SMAD4: variants seen among roughly 807,000 people sequenced by gnomAD.
SMAD4 encodes SMAD family member 4.
A neutral mutation model predicts 63.2 loss-of-function variants in SMAD4; 7 were observed. That is an observed-to-expected ratio of 0.11 (90% CI 0.06 to 0.21). The LOEUF (loss-of-function observed/expected upper bound fraction) is 0.21. SMAD4 is among the 10% of genes least tolerant of loss of function. SMAD4 has a pLI of 1.00. For synonymous variants in SMAD4, 215 were observed against 235.4 expected, an observed-to-expected ratio of 0.91 and a Z score of 0.79; for missense variants, 312 against 693.8, an observed-to-expected ratio of 0.45 and a Z score of 6.18.
intron 4 of SMAD4, among the ~76,000 whole-genome samples, chr18:51,050,378 G>A (rs1349627889): frequency 6.7e-6 from 1 of 149,506 alleles, no homozygotes; most frequent in Non-Finnish European, 1.5e-5. Context: ...AGTGGGGGGA[G>A]GCTGGGCACG....
rs1177799131 is a variant in SMAD4 at position 51,080,016 on chromosome 18, A to G, written c.*1549A>G. On this transcript the variant is annotated 3_prime_UTR_variant, in exon 12 of 12. Transcript: ENST00000342988. ...TACTATAGCAGAAATAGACCTGATT[A>G]TCTACAAGATGATAAATAGATTGTC... 3 of 227,900 alleles carry G rather than the reference A, an allele frequency of 1.3e-5. No homozygotes were observed. Among genetic ancestry groups the G allele is most frequent in the East Asian group, 6.3e-5 (1 of 15,918 alleles). The allele number at this position is 227,900 out of a possible 1,614,324, so 14.1% of individuals were successfully genotyped here. A position where few individuals can be genotyped will look rare whatever the true frequency, so the allele number is the denominator to read the frequency against.
chr18:51,078,383 T>TAA lies in SMAD4; in HGVS notation c.1575_1576insAA (p.Glu526LysfsTer12). 6.2e-7 allele frequency: 1 copy of TAA among 1,614,186 alleles called. No individual in the cohort carries two copies. ...GCATCAAAGAAACACCTTGCTGGAT[T>TAA]GAAATTCACTTACACCGGGCCCTCC... On this transcript the variant is annotated frameshift_variant, in exon 12 of 12. Coordinates refer to ENST00000342988, the MANE Select transcript of SMAD4 (RefSeq NM_005359.6). LOFTEE classifies it high-confidence loss of function.
At chr18:51,041,590 G>A (rs749604661) in intron 1 of SMAD4, among the ~76,000 whole-genome samples, 24 of 152,164 alleles carry the variant, frequency 1.6e-4, no homozygotes, top group Non-Finnish European at 2.8e-4. Context: ...TGTCCCCTGA[G>A]GGACAAAGTT....
At position 51,078,677 on chromosome 18, in the gene SMAD4, G is replaced by C; in HGVS notation, c.*210G>C. 1.8e-6 allele frequency: 1 copy of C among 549,884 alleles called. No individual in the cohort carries two copies. Among genetic ancestry groups the C allele is most frequent in the Non-Finnish European group, 3.2e-6 (1 of 309,424 alleles). 34.1% of individuals were successfully genotyped at this position (549,884 alleles called of 1,614,324 possible). ...TTCAGAACTTGTCAGGCATGGCTCA[G>C]AGCTTGAAGATTAGGAGAAACACAT... On this transcript the variant is annotated 3_prime_UTR_variant, in exon 12 of 12. Transcript: ENST00000342988.
Position 51,046,977 on chromosome 18 carries a change from T to G in SMAD4, c.-70T>G. ...TGCAACGTTAGCTGTTGTTTTTCAC[T>G]GTTTCCAAAGGATCAAAATTGCTTC... On this transcript the variant is annotated 5_prime_UTR_variant, in exon 2 of 12. Transcript: ENST00000342988. 6.9e-7 allele frequency: 1 copy of G among 1,449,838 alleles called. No individual in the cohort carries two copies. The highest frequency in any genetic ancestry group is 9.7e-7 in the Non-Finnish European group (1 of 1,033,960). 89.8% of individuals were successfully genotyped at this position (1,449,838 alleles called of 1,614,324 possible).
At chr18:51,031,592 C>G (rs896041627) in intron 1 of SMAD4, among the ~76,000 whole-genome samples, 5 of 152,182 alleles carry the variant, frequency 3.3e-5, no homozygotes, top group African/African-American at 9.7e-5. Context: ...TGACTTTCTG[C>G]AAACATATAA....
At chr18:51,035,087 C>G (rs73960360) in intron 1 of SMAD4, among the ~76,000 whole-genome samples, 1 of 152,220 alleles carries the variant, frequency 6.6e-6, no homozygotes, top group African/African-American at 2.4e-5. Flanking sequence ...TCTCACACAT[C>G]TAACTTAACG....
rs149270549 is a variant in SMAD4, at chr18:51,043,330, G to A, written c.-127-3590G>A. On this transcript the variant is annotated intron_variant, in intron 1 of 11. Transcript: ENST00000342988. ...TGTTTCCCACATTTCTTTTATGTACGTTGTTGCATCTAATTACCACAATAA... is the reference window on the plus strand; with the variant it reads ...TGTTTCCCACATTTCTTTTATGTACATTGTTGCATCTAATTACCACAATAA... Among the ~76,000 whole-genome samples, 480 of 152,220 alleles carry A rather than the reference G, an allele frequency of 3.2e-3. 1 individual carries two copies. The highest frequency in any genetic ancestry group is 5.7e-3 in the Admixed American group (87 of 15,288).
chr18:51,084,012 GCA>G lies in SMAD4; in HGVS notation c.*5576_*5577del, dbSNP rs56017493. Reference sequence around the variant, plus strand: ...TTAACGCGCGTGCGCACGCGCGCGCGCACACACACACACACACACACACACAC... The same window carrying G: ...TTAACGCGCGTGCGCACGCGCGCGCGCACACACACACACACACACACACAC... On this transcript the variant is annotated 3_prime_UTR_variant, in exon 12 of 12. Coordinates refer to ENST00000342988, the MANE Select transcript of SMAD4 (RefSeq NM_005359.6). 5,345 of 162,232 alleles carry G rather than the reference GCA, an allele frequency of 0.033. 65 individuals carry two copies. The highest frequency in any genetic ancestry group is 0.12 in the East Asian group (1,179 of 10,140). 10.0% of individuals were successfully genotyped at this position (162,232 alleles called of 1,614,324 possible).
chr18:51,037,378 C>T (rs745532410), intron 1 of SMAD4, among the ~76,000 whole-genome samples: 18 of 152,108 alleles, frequency 1.2e-4, no homozygotes, highest in Non-Finnish European at 2.4e-4. Flanking sequence ...GTTATTTGCC[C>T]TTTCACTGTG....
At chr18:51,065,827 G>A (rs1460250159) in intron 9 of SMAD4, among the ~76,000 whole-genome samples, 1 of 152,064 alleles carries the variant, frequency 6.6e-6, no homozygotes, top group Non-Finnish European at 1.5e-5. Flanking sequence ...TTTTATGTTA[G>A]TAGGTTTCTA....
At chr18:51,057,714 C>T (rs1909880607) in intron 5 of SMAD4, among the ~76,000 whole-genome samples, 1 of 152,180 alleles carries the variant, frequency 6.6e-6, no homozygotes, top group African/African-American at 2.4e-5. Context: ...ATTAATTTTT[C>T]AGTTTTCAAC....
chr18:51,076,960 T>C (rs1910488194), intron 11 of SMAD4, 184 bp downstream of exon 11: 1 of 519,424 alleles, frequency 1.9e-6, no homozygotes, highest in Non-Finnish European at 3.4e-6. Context: ...ATGACCCTGT[T>C]TGCATTCTTT....
intron 4 of SMAD4, among the ~76,000 whole-genome samples, chr18:51,051,634 A>G (rs1346619685): frequency 6.6e-6 from 1 of 152,106 alleles, no homozygotes; most frequent in Non-Finnish European, 1.5e-5. Flanking sequence ...TACTCAAGTG[A>G]GCTTATACTC....
At chr18:51,035,652 G>A (rs1301433372) in intron 1 of SMAD4, among the ~76,000 whole-genome samples, 2 of 152,082 alleles carry the variant, frequency 1.3e-5, no homozygotes, top group East Asian at 3.8e-4. Flanking sequence ...GGTTGCATTG[G>A]GCTTTTTCTG....
At chr18:51,049,477 CATTTAAAACTGG>C (rs1162257330) in intron 4 of SMAD4, 153 bp downstream of exon 4, 101 of 645,188 alleles carry the variant, frequency 1.6e-4, no homozygotes, top group Non-Finnish European at 2.3e-4. Context: ...AGGTTAGGGG[CATTTAAAACTGG>C]ATTTAAAACT....
Position 51,078,368 on chromosome 18 carries a change from A to G in SMAD4, c.1560A>G (p.Glu520=). Residue 520 remains glutamate (E), a synonymous_variant, in exon 12 of 12, where the codon GAA becomes GAG. Coordinates refer to ENST00000342988, the MANE Select transcript of SMAD4 (RefSeq NM_005359.6). ...ATTACCCAAGACAGAGCATCAAAGA[A>G]ACACCTTGCTGGATTGAAATTCACT... The part of the protein sequence containing the change: ...GPDYPRQSIK[E]TPCWIEIHLH... 1 of 1,614,172 alleles carries G rather than the reference A, an allele frequency of 6.2e-7. No homozygotes were observed. The highest frequency in any genetic ancestry group is 8.5e-7 in the Non-Finnish European group (1 of 1,180,022).
chr18:51,045,235 G>C (rs1909508173), intron 1 of SMAD4, among the ~76,000 whole-genome samples: 1 of 152,222 alleles, frequency 6.6e-6, no homozygotes. Flanking sequence ...GAGTGGAATT[G>C]ATACTTTAAC....
In SMAD4 at chr18:51,055,088, A is replaced by C; in HGVS notation, c.667+95A>C. On this transcript the variant is annotated intron_variant, in intron 5 of 11. Transcript: ENST00000342988. ...CTTGGGGGGAAACTCCAAGTAAGTA[A>C]ACATTAAAAGTAACTGTAGTATCTT... 3.3e-6 allele frequency: 3 copies of C among 903,500 alleles called. No individual in the cohort carries two copies. In the Admixed American group the frequency reaches 5.2e-5, roughly 16 times the overall value. 56.0% of individuals were successfully genotyped at this position (903,500 alleles called of 1,614,324 possible).
Sources: gnomAD v4.1 joint callset for allele counts (sites outside exome capture counted in the v4.1 genomes callset) on GRCh38, gnomAD v4.1.1 for gene constraint, MANE v1.5 for transcripts, NCBI Gene and HGNC (gene_info 2026-07-23, HGNC 2026-07-21) for gene names.